Variants in NUP210 observed in about 807,000 individuals in gnomAD.
NUP210 encodes the protein nucleoporin 210.
In NUP210, 151 loss-of-function variants were observed where a neutral mutation model predicts 196.0. The observed-to-expected ratio is 0.77, with a 90% CI of 0.67 to 0.88. The LOEUF is 0.88. Ranked by LOEUF, NUP210 falls within the 40% of genes least tolerant of loss-of-function variation. The pLI is 0.00. For missense variants in NUP210, 2,314 were observed against 2,493.7 expected (o/e 0.93, Z 1.53); for synonymous variants, 1,070 against 1,052.7 (o/e 1.02, Z -0.32).
In NUP210 at chr3:13,335,696, A is replaced by AC. The variant is rs1212988524; in HGVS notation, c.3685-85dup. On this transcript the variant is annotated intron_variant, in intron 27 of 39. Coordinates refer to ENST00000254508, the MANE Select transcript of NUP210 (RefSeq NM_024923.4). Reference sequence around the variant, plus strand: ...AGGCAGAGCCGGACAGTAGCCCCAGACCCCCCAGCCCCCCAGTCCTGGTAG... The same window carrying AC: ...AGGCAGAGCCGGACAGTAGCCCCAGACCCCCCCAGCCCCCCAGTCCTGGTAG... 9 of 1,464,166 alleles carry AC rather than the reference A, an allele frequency of 6.1e-6. No homozygotes were observed. In the African/African-American group the frequency reaches 7.0e-5, roughly 11 times the overall value. 90.7% of individuals were successfully genotyped at this position (1,464,166 alleles called of 1,614,324 possible).
Position 13,335,391 on chromosome 3 carries a change from G to A in NUP210, c.3843+63C>T, listed in dbSNP as rs1282138857. Reference sequence around the variant, plus strand: ...TGCCCATGCAACATGTGGCCCCGAAGGAAGATTGGGCAGCTGGCACTTCCT... The same window carrying A: ...TGCCCATGCAACATGTGGCCCCGAAAGAAGATTGGGCAGCTGGCACTTCCT... On this transcript the variant is annotated intron_variant, in intron 28 of 39. Coordinates refer to ENST00000254508, the MANE Select transcript of NUP210 (RefSeq NM_024923.4). 13 of 1,568,186 alleles carry A rather than the reference G, an allele frequency of 8.3e-6. No individual in the cohort carries two copies. The East Asian group carries it at 1.8e-4, about 22-fold the overall frequency.
chr3:13,335,610 C>T lies in NUP210; in HGVS notation c.3687G>A (p.Ala1229=), dbSNP rs770494503. The T allele has an allele frequency of 3.0e-5, 48 of 1,613,808 alleles. 1 individual carries two copies. Among genetic ancestry groups the T allele is most frequent in the Admixed American group, 1.0e-4 (6 of 60,006 alleles). The stretch of plus-strand genomic sequence containing the variant: ...TGTACTGTGACGGGAGTCGGATCGA[C>T]GCCTGGGAAGACATCAAACACGTTT... ...VLDLRGRHHE[A]SIRLPSQYNF... Residue 1229 remains alanine, a splice_region_variant and synonymous_variant, in exon 28 of 40, where the codon GCG becomes GCA. Coordinates refer to ENST00000254508, the MANE Select transcript of NUP210 (RefSeq NM_024923.4).
At chr3:13,349,188 A>G (rs575589695) in intron 20 of NUP210, among the ~76,000 whole-genome samples, 4 of 152,302 alleles carry the variant, frequency 2.6e-5, no homozygotes, top group African/African-American at 7.2e-5. Flanking sequence ...TGCGTGAAAT[A>G]AGATGCCCAT....
Position 13,386,413 on chromosome 3 carries a change from C to CA in NUP210, c.685-7dup. The CA allele has an allele frequency of 6.2e-7, 1 of 1,613,738 alleles. No individual in the cohort carries two copies. The highest frequency in any genetic ancestry group is 8.5e-7 in the Non-Finnish European group (1 of 1,179,900). On this transcript the variant is annotated splice_region_variant and splice_polypyrimidine_tract_variant and intron_variant, in intron 5 of 39. Transcript: ENST00000254508. ...ACTTCTGCAGGGCGTACATTCTTGG[C>CA]ATAAAGAAAAGGCAGACAAAGTGAG...
chr3:13,355,772 A>G (rs997370507), intron 16 of NUP210, among the ~76,000 whole-genome samples: 1 of 152,214 alleles, frequency 6.6e-6, no homozygotes, highest in African/African-American at 2.4e-5. Context: ...GAGTTTGGGC[A>G]GGGGCTGTAG....
intron 20 of NUP210, among the ~76,000 whole-genome samples, chr3:13,346,561 G>A (rs1697736881): frequency 6.6e-6 from 1 of 152,220 alleles, no homozygotes; most frequent in African/African-American, 2.4e-5. Flanking sequence ...TTAAGATGCT[G>A]AGTGCAGCCA....
intron 1 of NUP210, among the ~76,000 whole-genome samples, chr3:13,408,061 GAGACTTTAAGGACAGGCAGGCA>G (rs1700054384): frequency 6.6e-6 from 1 of 152,160 alleles, no homozygotes; most frequent in Non-Finnish European, 1.5e-5. Flanking sequence ...TGTGCAAGCA[GAGACTTTAAGGACAGGCAGGCA>G]TGGACTCTAT....
chr3:13,369,730 G>C (rs1337702287), intron 13 of NUP210, among the ~76,000 whole-genome samples: 2 of 152,198 alleles, frequency 1.3e-5, no homozygotes, highest in African/African-American at 2.4e-5. Context: ...CCATGTACGA[G>C]CAGGTTTTTA....
At chr3:13,412,967 T>A (rs1283121024) in intron 1 of NUP210, among the ~76,000 whole-genome samples, 1 of 149,854 alleles carries the variant, frequency 6.7e-6, no homozygotes, top group Non-Finnish European at 1.5e-5. Context: ...CAAGACTCTG[T>A]CTCAAAAAAA....
intron 35 of NUP210, among the ~76,000 whole-genome samples, 158 bp downstream of exon 35, chr3:13,322,033 CCT>C (rs1291214008): frequency 1.3e-5 from 2 of 152,234 alleles, no homozygotes; most frequent in Non-Finnish European, 2.9e-5. Context: ...GACCAGCAGT[CCT>C]CCCAAGTCCC....
rs1462254251 is a variant in NUP210 at position 13,348,592 on chromosome 3, G to A, written c.2835+3287C>T. The A allele has an allele frequency of 2.0e-6, 2 of 985,326 alleles. No homozygotes were observed. The highest frequency in any genetic ancestry group is 3.5e-5 in the African/African-American group (2 of 57,248). The allele number at this position is 985,326 out of a possible 1,614,324, so 61.0% of individuals were successfully genotyped here. On this transcript the variant is annotated intron_variant, in intron 20 of 39. Transcript: ENST00000254508. This position sits in a 1 kb window ranked among gnomAD's most constrained non-coding sequence, Gnocchi z 4.0. ...TAAGATTCTCTTCACTCGCATGGCT[G>A]GAGGAAGAGCTGGGGAATTGTTCTT... is the stretch of plus-strand genomic sequence containing the variant.
At chr3:13,335,419 C>T (rs776293849) in intron 28 of NUP210, 35 bp downstream of exon 28, 14 of 1,598,420 alleles carry the variant, frequency 8.8e-6, no homozygotes, top group South Asian at 6.6e-5. Context: ...CACTTCCTCT[C>T]CCCCTTCCCT....
chr3:13,398,378 G>A (rs193298035), intron 2 of NUP210, among the ~76,000 whole-genome samples: 12 of 152,232 alleles, frequency 7.9e-5, no homozygotes, highest in African/African-American at 2.9e-4. Context: ...GGGAGGCAAA[G>A]GTTGCAGTGA....
chr3:13,323,001 G>C lies in NUP210; in HGVS notation c.4768+308C>G, dbSNP rs562510986. On this transcript the variant is annotated intron_variant, in intron 34 of 39. Coordinates refer to ENST00000254508, the MANE Select transcript of NUP210 (RefSeq NM_024923.4). The surrounding 1 kb of genome is among the most constrained non-coding windows in gnomAD (Gnocchi z 4.3). Reference sequence around the variant, plus strand: ...AGTCCTGCTAATTCATTAGTTTCTGGGATTCACGGTGGGAAATTGTGGCTT... The same window carrying C: ...AGTCCTGCTAATTCATTAGTTTCTGCGATTCACGGTGGGAAATTGTGGCTT... Among the ~76,000 whole-genome samples the C allele has an allele frequency of 1.1e-3, 174 of 152,278 alleles. No homozygotes were observed. In the South Asian group the frequency reaches 0.016, roughly 14 times the overall value.
intron 14 of NUP210, among the ~76,000 whole-genome samples, chr3:13,360,777 T>C (rs1439824445): frequency 6.6e-6 from 1 of 152,096 alleles, no homozygotes; most frequent in East Asian, 1.9e-4. Context: ...GCCTTGAAAA[T>C]ACCCACAGCC....
Position 13,360,308 on chromosome 3 carries a change from G to A in NUP210, c.2116C>T (p.His706Tyr), listed in dbSNP as rs776283112. The A allele has an allele frequency of 6.2e-6, 10 of 1,614,120 alleles. No homozygotes were observed. In the East Asian group the frequency reaches 2.0e-4, roughly 32 times the overall value. ...GCCTGACAGGTCACAAGGATCCAGT[G>A]TTGCTGATAATTCCGGGAGGAATGG... ...APHSSRNYQQ[H>Y]WILVTCQALG... Residue 706 changes from histidine (H) to tyrosine (Y), a missense_variant, in exon 15 of 40, where the codon CAC becomes TAC. Coordinates refer to ENST00000254508, the MANE Select transcript of NUP210 (RefSeq NM_024923.4).
At chr3:13,357,340 C>T (rs1698202986) in intron 16 of NUP210, among the ~76,000 whole-genome samples, 1 of 152,234 alleles carries the variant, frequency 6.6e-6, no homozygotes, top group African/African-American at 2.4e-5. Flanking sequence ...CAGCCTCCTC[C>T]TCACTCTGCT....
intron 14 of NUP210, among the ~76,000 whole-genome samples, chr3:13,362,220 C>G (rs1455767337): frequency 6.6e-6 from 1 of 152,174 alleles, no homozygotes; most frequent in Non-Finnish European, 1.5e-5. Context: ...ACAAAAAAAC[C>G]TCTTCCACCC....
chr3:13,382,785 T>A (rs1699144932), intron 6 of NUP210, among the ~76,000 whole-genome samples: 2 of 152,238 alleles, frequency 1.3e-5, no homozygotes, highest in South Asian at 4.1e-4. Flanking sequence ...CACCATTCCC[T>A]GACTTTTCTG....
Sources: gnomAD v4.1 joint callset for allele counts (sites outside exome capture counted in the v4.1 genomes callset) on GRCh38, gnomAD v4.1.1 for gene constraint, Gnocchi (gnomAD v3.1) non-coding constraint, MANE v1.5 for transcripts, NCBI Gene and HGNC (gene_info 2026-07-23, HGNC 2026-07-21) for gene names.